The following RBFOX1 variants were observed in gnomAD, a reference collection of about 807,000 sequenced individuals.
RBFOX1 encodes RNA binding protein fox-1 homolog 1.
A neutral mutation model predicts 57.7 loss-of-function variants in RBFOX1; 8 were observed. The ratio of observed to expected loss-of-function variants is 0.14; its 90% CI spans 0.08 to 0.25. The LOEUF is 0.25. Ranked by LOEUF, RBFOX1 falls within the 10% of genes least tolerant of loss-of-function variation. The probability of loss-of-function intolerance (pLI) is 1.00; values close to 1 mark genes in which losing one functional copy is unlikely to be tolerated. For synonymous variants in RBFOX1, 326 were observed against 222.4 expected (o/e 1.47, Z -4.15); for missense variants, 611 against 548.5 (o/e 1.11, Z -1.14).
intron 4 of RBFOX1, among the ~76,000 whole-genome samples, chr16:7,177,304 C>G (rs2081872706): frequency 6.6e-6 from 1 of 152,032 alleles, no homozygotes; most frequent in Non-Finnish European, 1.5e-5. Context: ...AGCAAACAAA[C>G]AAAAAGCCCT....
In RBFOX1 at chr16:5,946,494, G is replaced by A. The variant is rs1314229004; in HGVS notation, c.351+79159G>A. Among the ~76,000 whole-genome samples, 2 of 152,194 alleles carry A rather than the reference G, an allele frequency of 1.3e-5. No homozygotes were observed. The highest frequency in any genetic ancestry group is 2.9e-5 in the Non-Finnish European group (2 of 68,034). On this transcript the variant is annotated intron_variant, in intron 4 of 19. Coordinates refer to the RBFOX1 transcript ENST00000641259. This position sits in a 1 kb window ranked among gnomAD's most constrained non-coding sequence, Gnocchi z 4.6. ...TCATGGAATGGGAGTGCCTCATGGTGGGGTGCCTGGAGAGGACATGGAAGT... is the reference window on the plus strand; with the variant it reads ...TCATGGAATGGGAGTGCCTCATGGTAGGGTGCCTGGAGAGGACATGGAAGT...
chr16:7,074,295 C>G (rs536139790), intron 4 of RBFOX1, among the ~76,000 whole-genome samples: 15 of 152,100 alleles, frequency 9.9e-5, no homozygotes, highest in Non-Finnish European at 2.1e-4. Flanking sequence ...TCTCAGAAAT[C>G]GAATGAAAAC....
chr16:6,493,938 C>T (rs1361446334), intron 2 of RBFOX1, among the ~76,000 whole-genome samples: 1 of 152,246 alleles, frequency 6.6e-6, no homozygotes, highest in South Asian at 2.1e-4. Flanking sequence ...GTAGCATCAG[C>T]GTGATTTTTA....
At chr16:6,790,390 T>G (rs1053665162) in intron 3 of RBFOX1, among the ~76,000 whole-genome samples, 9 of 151,866 alleles carry the variant, frequency 5.9e-5, no homozygotes, top group African/African-American at 1.7e-4. Context: ...TCACCATGTT[T>G]GCCTGGCTGG....
At chr16:5,258,239 C>T (rs1338051820) in intron 1 of RBFOX1, among the ~76,000 whole-genome samples, 1 of 152,044 alleles carries the variant, frequency 6.6e-6, no homozygotes, top group African/African-American at 2.4e-5. Flanking sequence ...AGTAGAGCGA[C>T]TAGTTTAATG....
At chr16:7,135,368 ACAG>A (rs757382393) in intron 4 of RBFOX1, among the ~76,000 whole-genome samples, 10 of 152,242 alleles carry the variant, frequency 6.6e-5, no homozygotes, top group Non-Finnish European at 1.5e-4. Flanking sequence ...GAGACTAGGC[ACAG>A]CAGAACAATT....
intron 4 of RBFOX1, among the ~76,000 whole-genome samples, chr16:7,178,762 A>G (rs899249669): frequency 2.6e-5 from 4 of 152,208 alleles, no homozygotes; most frequent in Non-Finnish European, 4.4e-5. Context: ...AAAGTCAAGC[A>G]CATTATACTG....
rs1217882196 is a variant in RBFOX1, at chr16:7,232,114, C to G, written c.27+180016C>G. ...AATCGGCTCACTGCAAATTCCACCT[C>G]CTAGGTTCAAGCGATTCTCCTGCTT... On this transcript the variant is annotated intron_variant, in intron 4 of 15. Coordinates refer to ENST00000550418, the MANE Select transcript of RBFOX1 (RefSeq NM_018723.4). Among the ~76,000 whole-genome samples, 16 of 152,212 alleles carry G rather than the reference C, an allele frequency of 1.1e-4. 2 individuals are homozygous for G. The South Asian group carries it at 3.3e-3, about 32-fold the overall frequency.
chr16:5,545,860 C>T (rs4372693), intron 2 of RBFOX1, among the ~76,000 whole-genome samples: 1 of 151,632 alleles, frequency 6.6e-6, no homozygotes, highest in South Asian at 2.1e-4. Context: ...TGAATAAAAC[C>T]CAGAAAGTAA....
intron 4 of RBFOX1, among the ~76,000 whole-genome samples, chr16:5,879,120 A>C (rs191035096): frequency 5.9e-5 from 9 of 152,278 alleles, no homozygotes; most frequent in Admixed American, 5.9e-4. Context: ...CAAAGCTCAG[A>C]GCTGCTTGCA....
intron 3 of RBFOX1, among the ~76,000 whole-genome samples, chr16:5,830,823 G>C (rs1042150144): frequency 6.6e-6 from 1 of 152,120 alleles, no homozygotes; most frequent in Non-Finnish European, 1.5e-5. Flanking sequence ...AGGGTCTTCA[G>C]ACTGTGTTCA....
At chr16:6,580,248 T>A (rs1262460319) in intron 2 of RBFOX1, among the ~76,000 whole-genome samples, 1 of 152,198 alleles carries the variant, frequency 6.6e-6, no homozygotes, top group Non-Finnish European at 1.5e-5. Context: ...TGAGCCACCA[T>A]GCCCGGCCAG....
At chr16:7,654,180 ATGT>A (rs1307017718) in intron 12 of RBFOX1, among the ~76,000 whole-genome samples, 13 of 152,200 alleles carry the variant, frequency 8.5e-5, no homozygotes, top group Non-Finnish European at 1.6e-4. Flanking sequence ...TACATGTCAC[ATGT>A]TGTTATGTAA....
intron 4 of RBFOX1, among the ~76,000 whole-genome samples, chr16:7,210,823 C>T (rs1273377782): frequency 6.6e-6 from 1 of 151,724 alleles, no homozygotes; most frequent in African/African-American, 2.4e-5. Flanking sequence ...TCTAGAGATC[C>T]AATGTACAGT....
chr16:6,572,166 A>G (rs936354061), intron 2 of RBFOX1, among the ~76,000 whole-genome samples: 2 of 152,140 alleles, frequency 1.3e-5, no homozygotes, highest in Non-Finnish European at 2.9e-5. Context: ...ACGTTACTTG[A>G]TATCCCGTCG....
chr16:6,351,224 C>A (rs2086292755), intron 2 of RBFOX1, among the ~76,000 whole-genome samples: 1 of 150,502 alleles, frequency 6.6e-6, no homozygotes, highest in Non-Finnish European at 1.5e-5. Flanking sequence ...AAATATACAA[C>A]TGTGTAATTA....
chr16:5,459,744 C>G (rs1418720905), intron 1 of RBFOX1, among the ~76,000 whole-genome samples: 1 of 152,100 alleles, frequency 6.6e-6, no homozygotes, highest in Non-Finnish European at 1.5e-5. Flanking sequence ...CACACACGCT[C>G]ACACACGCAC....
intron 4 of RBFOX1, among the ~76,000 whole-genome samples, chr16:7,361,024 A>T (rs966071642): frequency 1.3e-5 from 2 of 152,190 alleles, no homozygotes; most frequent in South Asian, 2.1e-4. Context: ...AATCAACCCA[A>T]CCAGGAAGCT....
intron 1 of RBFOX1, among the ~76,000 whole-genome samples, chr16:5,269,530 A>G (rs1398834979): frequency 6.6e-6 from 1 of 152,258 alleles, no homozygotes; most frequent in African/African-American, 2.4e-5. Flanking sequence ...GTGGAATATT[A>G]TTTGATCACA....
Sources: gnomAD v4.1 joint callset for allele counts (sites outside exome capture counted in the v4.1 genomes callset) on GRCh38, gnomAD v4.1.1 for gene constraint, Gnocchi (gnomAD v3.1) non-coding constraint, MANE v1.5 for transcripts, NCBI Gene and HGNC (gene_info 2026-07-23, HGNC 2026-07-21) for gene names.